CIRBP: variants seen among roughly 807,000 people sequenced by gnomAD.
CIRBP encodes cold-inducible RNA-binding protein.
In CIRBP, 11 loss-of-function variants were observed where a neutral mutation model predicts 22.3. The ratio of observed to expected loss-of-function variants is 0.49; its 90% CI spans 0.31 to 0.82. The LOEUF is 0.82. CIRBP is among the 40% of genes least tolerant of loss of function. The pLI, the probability that CIRBP is intolerant of heterozygous loss-of-function variation, is 0.05. For missense variants in CIRBP, 456 were observed against 402.7 expected (o/e 1.13, Z -1.13); for synonymous variants, 216 against 158.8 (o/e 1.36, Z -2.71).
chr19:1,274,079 A>G lies in CIRBP; in HGVS notation c.*1636A>G. 5.2e-6 allele frequency: 2 copies of G among 381,778 alleles called. No homozygotes were observed. Among genetic ancestry groups the G allele is most frequent in the Non-Finnish European group, 9.3e-6 (2 of 215,772 alleles). The allele number at this position is 381,778 out of a possible 1,614,324, so 23.6% of individuals were successfully genotyped here. A position where few individuals can be genotyped will look rare whatever the true frequency, so the allele number is the denominator to read the frequency against. ...CTGTTGCCGCCATTAGTTTTTTTCT[A>G]GAGCCCACACTGGCCCACATAGCTC... On this transcript the variant is annotated 3_prime_UTR_variant, in exon 6 of 6. Coordinates refer to ENST00000587896, the MANE Select transcript of CIRBP (RefSeq NM_001300829.2).
At chr19:1,270,760 C>T (rs1417152520) in intron 1 of CIRBP, 168 bp from the exon 2 acceptor site, 2 of 612,676 alleles carry the variant, frequency 3.3e-6, no homozygotes, top group Non-Finnish European at 5.8e-6. Context: ...CACACTGCCC[C>T]CGACCCCAAA....
chr19:1,270,030 A>G lies in CIRBP; in HGVS notation c.-7+620A>G, dbSNP rs749196986. ...GAGCCACTGGGTGGCGGCCATTCCC[A>G]GCCAGTGAATGCTTTGTCTGTGTCA... On this transcript the variant is annotated intron_variant, in intron 1 of 5. Coordinates refer to ENST00000587896, the MANE Select transcript of CIRBP (RefSeq NM_001300829.2). 7.7e-6 allele frequency: 4 copies of G among 519,916 alleles called. No individual in the cohort carries two copies. In the East Asian group the frequency reaches 2.2e-4, roughly 28 times the overall value. 32.2% of individuals were successfully genotyped at this position (519,916 alleles called of 1,614,324 possible). A position where few individuals can be genotyped will look rare whatever the true frequency, so the allele number is the denominator to read the frequency against.
Position 1,272,012 on chromosome 19 carries a change from A to T in CIRBP, c.463A>T (p.Ser155Cys). The T allele has an allele frequency of 1.2e-6, 2 of 1,612,464 alleles. No individual in the cohort carries two copies. The highest frequency in any genetic ancestry group is 1.7e-6 in the Non-Finnish European group (2 of 1,178,662). Residue 155 changes from serine (S) to cysteine (C), a missense_variant, in exon 6 of 6, where the codon AGC becomes TGC. Transcript: ENST00000587896. Reference sequence around the variant, plus strand: ...TCAGAGTGGTGGCTACAGTGACCGGAGCTCGGGCGGGTCCTACAGAGACAG... The same window carrying T: ...TCAGAGTGGTGGCTACAGTGACCGGTGCTCGGGCGGGTCCTACAGAGACAG... The part of the protein sequence containing the change: ...RSQSGGYSDR[S>C]SGGSYRDSYD...
intron 2 of CIRBP, 32 bp from the exon 3 acceptor site, chr19:1,271,108 G>C (rs747657364): frequency 5.0e-6 from 8 of 1,611,514 alleles, no homozygotes; most frequent in Non-Finnish European, 6.8e-6. Context: ...GTACAGCTGG[G>C]TGCTGACTGC....
In CIRBP at chr19:1,272,118, C is replaced by A; in HGVS notation, c.569C>A (p.Pro190His). The change falls in exon 6 of 6, where the codon CCC becomes CAC. Residue 190 changes from proline to histidine, a missense_variant. Transcript: ENST00000587896. The stretch of plus-strand genomic sequence containing the variant: ...GTGGGAGCTCGGTTCACCTTGGTGC[C>A]CTCTCCAAGCACTTTAGGCTGGACA... The part of the protein sequence containing the change: ...PAVGARFTLV[P>H]SPSTLGWTLR... 1 of 1,613,770 alleles carries A rather than the reference C, an allele frequency of 6.2e-7. No individual in the cohort carries two copies. Among genetic ancestry groups the A allele is most frequent in the Middle Eastern group, 1.6e-4 (1 of 6,062 alleles).
At chr19:1,271,863 G>A (rs1165708037) in intron 5 of CIRBP, 118 bp from the exon 6 acceptor site, 7 of 888,328 alleles carry the variant, frequency 7.9e-6, no homozygotes, top group African/African-American at 3.3e-5. Context: ...TGCCCTGCTG[G>A]GGTCCTTGTT....
rs1294035604 is a variant in CIRBP, at chr19:1,272,649, G to T, written c.*206G>T. Reference sequence around the variant, plus strand: ...AGACTTTTCTTTTTAAGGAAGTGCTGTTTTTTTTTGAGGGTTTTCAAAACA... The same window carrying T: ...AGACTTTTCTTTTTAAGGAAGTGCTTTTTTTTTTTGAGGGTTTTCAAAACA... On this transcript the variant is annotated 3_prime_UTR_variant, in exon 6 of 6. Coordinates refer to ENST00000587896, the MANE Select transcript of CIRBP (RefSeq NM_001300829.2). 4 of 417,994 alleles carry T rather than the reference G, an allele frequency of 9.6e-6. No homozygotes were observed. Among genetic ancestry groups the T allele is most frequent in the African/African-American group, 2.1e-5 (1 of 48,738 alleles). The allele number at this position is 417,994 out of a possible 1,614,324, so 25.9% of individuals were successfully genotyped here. A position where few individuals can be genotyped will look rare whatever the true frequency, so the allele number is the denominator to read the frequency against.
intron 5 of CIRBP, 50 bp from the exon 6 acceptor site, chr19:1,271,931 G>A (rs1393358824): frequency 2.6e-6 from 4 of 1,520,310 alleles, no homozygotes; most frequent in Admixed American, 1.7e-5. Context: ...TTGTGGCAGA[G>A]CAGAAGTAGA....
chr19:1,271,756 C>T lies in CIRBP; in HGVS notation c.431+124C>T, dbSNP rs918796963. 7 of 737,498 alleles carry T rather than the reference C, an allele frequency of 9.5e-6. No individual in the cohort carries two copies. The African/African-American group carries it at 1.2e-4, about 13-fold the overall frequency. 45.7% of individuals were successfully genotyped at this position (737,498 alleles called of 1,614,324 possible). A position where few individuals can be genotyped will look rare whatever the true frequency, so the allele number is the denominator to read the frequency against. Reference sequence around the variant, plus strand: ...GGCAAGGAGCAGAGGCAGGTGGGGACCCAGGCCAAGAGGAGAGGAGACTGC... The same window carrying T: ...GGCAAGGAGCAGAGGCAGGTGGGGATCCAGGCCAAGAGGAGAGGAGACTGC... On this transcript the variant is annotated intron_variant, in intron 5 of 5. Coordinates refer to ENST00000587896, the MANE Select transcript of CIRBP (RefSeq NM_001300829.2).
At chr19:1,270,329 C>G in intron 1 of CIRBP, 1 of 354,776 alleles carries the variant, frequency 2.8e-6, no homozygotes, top group Middle Eastern at 8.0e-4. Context: ...GGAGTTGGCA[C>G]CCGTTCGGAA....
chr19:1,272,074 C>A lies in CIRBP; in HGVS notation c.525C>A (p.Ala175=). 1 of 1,614,048 alleles carries A rather than the reference C, an allele frequency of 6.2e-7. No individual in the cohort carries two copies. Among genetic ancestry groups the A allele is most frequent in the Non-Finnish European group, 8.5e-7 (1 of 1,180,004 alleles). The change falls in exon 6 of 6, where the codon GCC becomes GCA. Residue 175 remains alanine (A), a synonymous_variant. Transcript: ENST00000587896. ...ACGGTAAGTCACACTCCGAGGGCGC[C>A]ACGCTGCTGTGGCCTGCGGTGGGAG... is the stretch of plus-strand genomic sequence containing the variant. ...DSYGKSHSEG[A]TLLWPAVGAR... is the part of the protein sequence containing the mutation.
In CIRBP at chr19:1,274,151, G is replaced by A. The variant is rs550535014; in HGVS notation, c.*1708G>A. 31 of 393,474 alleles carry A rather than the reference G, an allele frequency of 7.9e-5. 1 individual carries two copies. In the East Asian group the frequency reaches 9.7e-4, roughly 12 times the overall value. The allele number at this position is 393,474 out of a possible 1,614,324, so 24.4% of individuals were successfully genotyped here. A position where few individuals can be genotyped will look rare whatever the true frequency, so the allele number is the denominator to read the frequency against. On this transcript the variant is annotated 3_prime_UTR_variant, in exon 6 of 6. Transcript: ENST00000587896. ...TCCAGCTGCGCCAAGGTGCAGACCC[G>A]CCCTGGGCATGCTGGCCTGTGACGG...
chr19:1,271,523 T>G, intron 4 of CIRBP, 28 bp from the exon 5 acceptor site: 2 of 1,598,100 alleles, frequency 1.3e-6, no homozygotes, highest in Admixed American at 1.7e-5. Flanking sequence ...TGGTGGGAGC[T>G]GGTACTCACT....
chr19:1,271,526 TACTC>T lies in CIRBP; in HGVS notation c.350-21_350-18del, dbSNP rs762081787. ...GTGAGGTACTGCTGGTGGGAGCTGG[TACTC>T]ACTTTTTCCTGTATGTGCAGGAGGA... is the stretch of plus-strand genomic sequence containing the variant. On this transcript the variant is annotated intron_variant, in intron 4 of 5. Transcript: ENST00000587896. 363 of 1,597,996 alleles carry T rather than the reference TACTC, an allele frequency of 2.3e-4. 1 individual carries two copies. The Middle Eastern group carries it at 4.0e-3, about 18-fold the overall frequency.
intron 1 of CIRBP, chr19:1,270,230 C>T: frequency 3.2e-6 from 1 of 309,190 alleles, no homozygotes; most frequent in Non-Finnish European, 6.3e-6. Context: ...CCCTGACAGC[C>T]AGCCCCCCCC....
Position 1,272,725 on chromosome 19 carries a change from A to C in CIRBP, c.*282A>C, listed in dbSNP as rs547537657. 19 of 314,320 alleles carry C rather than the reference A, an allele frequency of 6.0e-5. No individual in the cohort carries two copies. In the East Asian group the frequency reaches 9.3e-4, roughly 15 times the overall value. 19.5% of individuals were successfully genotyped at this position (314,320 alleles called of 1,614,324 possible). On this transcript the variant is annotated 3_prime_UTR_variant, in exon 6 of 6. Transcript: ENST00000587896. ...CCACGAGCCATGAGTTTTCAAAAAA[A>C]TCGGGGGTTGTGTGGGTTTTTGGTT...
Position 1,271,226 on chromosome 19 carries a change from A to C in CIRBP, c.190A>C (p.Met64Leu). ...FENIDDAKDA[M>L]MAMNGKSVDG... ...GAACATTGACGACGCTAAGGATGCC[A>C]TGATGGCCATGAATGGGAAGGTGAG... The change falls in exon 3 of 6, where the codon ATG becomes CTG. Residue 64 changes from methionine to leucine, a missense_variant. Physicochemically the swap from Met to Leu is conservative, Grantham distance 15. Coordinates refer to ENST00000587896, the MANE Select transcript of CIRBP (RefSeq NM_001300829.2). 1.2e-6 allele frequency: 2 copies of C among 1,614,006 alleles called. No individual in the cohort carries two copies. The highest frequency in any genetic ancestry group is 1.7e-6 in the Non-Finnish European group (2 of 1,180,004).
At chr19:1,270,166 C>T (rs760280317) in intron 1 of CIRBP, 4 of 505,874 alleles carry the variant, frequency 7.9e-6, no homozygotes, top group East Asian at 5.6e-5. Flanking sequence ...GGCCTAGGTC[C>T]TGGCTATGGA....
In CIRBP at chr19:1,271,216, T is replaced by C. The variant is rs752077527; in HGVS notation, c.180T>C (p.Ala60=). 1 of 1,613,938 alleles carries C rather than the reference T, an allele frequency of 6.2e-7. No individual in the cohort carries two copies. Among genetic ancestry groups the C allele is most frequent in the Non-Finnish European group, 8.5e-7 (1 of 1,180,000 alleles). The change falls in exon 3 of 6, where the codon GCT becomes GCC. Residue 60 remains alanine, a synonymous_variant. Transcript: ENST00000587896. The part of the protein sequence containing the change: ...GFVTFENIDD[A]KDAMMAMNGK... ...TCACCTTTGAGAACATTGACGACGC[T>C]AAGGATGCCATGATGGCCATGAATG...
Sources: gnomAD v4.1 joint callset for allele counts on GRCh38, gnomAD v4.1.1 for gene constraint, MANE v1.5 for transcripts, NCBI Gene and HGNC (gene_info 2026-07-23, HGNC 2026-07-21) for gene names.